Variants in THADA observed in about 807,000 individuals in gnomAD.
THADA encodes the protein tRNA (32-2'-O)-methyltransferase regulator THADA.
THADA carries 213 observed loss-of-function variants against 219.8 expected under a neutral mutation model. That is an observed-to-expected ratio of 0.97 (90% CI 0.87 to 1.09). The LOEUF is 1.09. Ranked by LOEUF, THADA falls within the 50% of genes least tolerant of loss-of-function variation. The pLI, the probability that THADA is intolerant of heterozygous loss-of-function variation, is 0.00. For synonymous variants in THADA, 1,018 were observed against 828.9 expected (o/e 1.23, Z -3.92); for missense variants, 2,956 against 2,311.3 (o/e 1.28, Z -5.72).
chr2:43,503,621 CA>C (rs1244956499), intron 24 of THADA, among the ~76,000 whole-genome samples: 2 of 151,946 alleles, frequency 1.3e-5, no homozygotes, highest in Non-Finnish European at 2.9e-5. Flanking sequence ...GAACTGGTTT[CA>C]AATATGTTCA....
At chr2:43,410,378 T>C (rs1028743571) in intron 28 of THADA, among the ~76,000 whole-genome samples, 2 of 152,224 alleles carry the variant, frequency 1.3e-5, no homozygotes, top group African/African-American at 4.8e-5. Context: ...ACCTGTTCAA[T>C]TCCTGTGTAT....
chr2:43,337,423 A>G (rs1031989801), intron 30 of THADA, among the ~76,000 whole-genome samples: 2 of 152,226 alleles, frequency 1.3e-5, no homozygotes, highest in East Asian at 3.8e-4. Flanking sequence ...GGCAGTTTTG[A>G]GAAGAGTTAA....
chr2:43,480,710 C>T (rs1348111595), intron 26 of THADA, among the ~76,000 whole-genome samples: 2 of 151,122 alleles, frequency 1.3e-5, no homozygotes, highest in East Asian at 3.9e-4. Context: ...CCCAGCTACT[C>T]GGGAGGCTGA....
At chr2:43,508,885 T>C in intron 22 of THADA, 105 bp from the exon 23 acceptor site, 1 of 1,153,502 alleles carries the variant, frequency 8.7e-7, no homozygotes, top group Non-Finnish European at 1.2e-6. Flanking sequence ...TATCCTTATA[T>C]TGAGTGGGGG....
At chr2:43,251,284 G>T (rs1427330135) in intron 36 of THADA, among the ~76,000 whole-genome samples, 1 of 152,186 alleles carries the variant, frequency 6.6e-6, no homozygotes. Context: ...CCACTCGTCT[G>T]GTTTCCATTT....
intron 26 of THADA, among the ~76,000 whole-genome samples, chr2:43,457,268 G>C (rs771198046): frequency 6.6e-6 from 1 of 151,544 alleles, no homozygotes; most frequent in Non-Finnish European, 1.5e-5. Context: ...CACATAATAA[G>C]ATACCAATAT....
At chr2:43,533,347 T>C (rs1482248687) in intron 21 of THADA, among the ~76,000 whole-genome samples, 1 of 152,230 alleles carries the variant, frequency 6.6e-6, no homozygotes, top group East Asian at 1.9e-4. Flanking sequence ...CTCAAGGATC[T>C]AGAACTAGAA....
intron 26 of THADA, among the ~76,000 whole-genome samples, chr2:43,447,077 G>A (rs1366138591): frequency 5.9e-5 from 9 of 152,122 alleles, no homozygotes; most frequent in African/African-American, 2.2e-4. Flanking sequence ...TGGCTGGGGA[G>A]GCCTCAGGAA....
At chr2:43,347,466 C>A (rs1262875803) in intron 29 of THADA, among the ~76,000 whole-genome samples, 1 of 152,102 alleles carries the variant, frequency 6.6e-6, no homozygotes, top group African/African-American at 2.4e-5. Flanking sequence ...GAAGGGTATG[C>A]AAGCAGTGAA....
chr2:43,430,370 T>TA, intron 26 of THADA, 68 bp from the exon 27 acceptor site: 18 of 874,106 alleles, frequency 2.1e-5, no homozygotes, highest in African/African-American at 3.4e-5. Flanking sequence ...AGCCTTTTTT[T>TA]TAAAAAAAGG....
At chr2:43,304,931 C>T (rs1676685478) in intron 31 of THADA, among the ~76,000 whole-genome samples, 1 of 152,198 alleles carries the variant, frequency 6.6e-6, no homozygotes, top group Non-Finnish European at 1.5e-5. Context: ...CTCGGCCTCC[C>T]AAAGTGCTGG....
intron 29 of THADA, among the ~76,000 whole-genome samples, chr2:43,356,587 T>C (rs181317830): frequency 2.2e-4 from 34 of 152,310 alleles, no homozygotes; most frequent in Admixed American, 7.2e-4. Context: ...GAATGAAATA[T>C]GGCAGGAATT....
intron 25 of THADA, among the ~76,000 whole-genome samples, chr2:43,492,605 T>C (rs1687779505): frequency 6.6e-6 from 1 of 152,202 alleles, no homozygotes; most frequent in South Asian, 2.1e-4. Flanking sequence ...TTTTGTCTTG[T>C]GTACGTGGTA....
At chr2:43,316,761 C>T (rs1484163256) in intron 31 of THADA, among the ~76,000 whole-genome samples, 1 of 152,132 alleles carries the variant, frequency 6.6e-6, no homozygotes, top group Non-Finnish European at 1.5e-5. Flanking sequence ...AACCCCGTCT[C>T]CACTAAGAAT....
chr2:43,269,552 C>T (rs1051200653), intron 36 of THADA, among the ~76,000 whole-genome samples: 1 of 152,212 alleles, frequency 6.6e-6, no homozygotes, highest in African/African-American at 2.4e-5. Context: ...TCAGGGGGCC[C>T]AGGCTCTCTG....
Position 43,316,369 on chromosome 2 carries a change from A to T in THADA, c.4438+4077T>A, listed in dbSNP as rs183270144. On this transcript the variant is annotated intron_variant, in intron 31 of 37. Coordinates refer to ENST00000405975, the MANE Select transcript of THADA (RefSeq NM_022065.5). ...AAGTGCTCAATATATCTCTGAGGCT[A>T]GCAGGTCTGATGAATGAAAAAATAA... Among the ~76,000 whole-genome samples, 8 of 152,338 alleles carry T rather than the reference A, an allele frequency of 5.3e-5. No homozygotes were observed. In the East Asian group the frequency reaches 1.5e-3, roughly 29 times the overall value.
rs567736793 is a variant in THADA, at chr2:43,306,054, G to A, written c.4439-12841C>T. Reference sequence around the variant, plus strand: ...CACGCCGGAGTGCAGTGGTATGATCGCAGCTCACTGCAGCCTTCCCGGGCT... The same window carrying A: ...CACGCCGGAGTGCAGTGGTATGATCACAGCTCACTGCAGCCTTCCCGGGCT... On this transcript the variant is annotated intron_variant, in intron 31 of 37. Coordinates refer to ENST00000405975, the MANE Select transcript of THADA (RefSeq NM_022065.5). Among the ~76,000 whole-genome samples, 154 of 147,728 alleles carry A rather than the reference G, an allele frequency of 1.0e-3. 1 individual carries two copies. The highest frequency in any genetic ancestry group is 3.6e-3 in the African/African-American group (145 of 40,180).
intron 25 of THADA, among the ~76,000 whole-genome samples, chr2:43,490,910 T>C (rs1042613839): frequency 6.6e-6 from 1 of 152,158 alleles, no homozygotes; most frequent in Non-Finnish European, 1.5e-5. Context: ...TTGATTTTTA[T>C]AGGTTGAAAA....
chr2:43,515,351 T>TAA lies in THADA; in HGVS notation c.3375-6572_3375-6571insTT, dbSNP rs1195835270. Among the ~76,000 whole-genome samples the TAA allele has an allele frequency of 7.9e-4, 50 of 63,358 alleles. 1 individual carries two copies. In the East Asian group the frequency reaches 0.017, roughly 21 times the overall value. The allele number at this position is 63,358 out of a possible 152,430, so 41.6% of individuals were successfully genotyped here. On this transcript the variant is annotated intron_variant, in intron 22 of 37. Transcript: ENST00000405975. ...AATATATAATATAATATATAATATT[T>TAA]TATATATAATATATAATATATAATA... is the stretch of plus-strand genomic sequence containing the variant.
Sources: gnomAD v4.1 joint callset for allele counts (sites outside exome capture counted in the v4.1 genomes callset) on GRCh38, gnomAD v4.1.1 for gene constraint, MANE v1.5 for transcripts, NCBI Gene and HGNC (gene_info 2026-07-23, HGNC 2026-07-21) for gene names.